The following CHD2 variants were observed in gnomAD, a reference collection of about 807,000 sequenced individuals.
CHD2 encodes chromodomain helicase DNA binding protein 2.
In CHD2, 28 loss-of-function variants were observed where a neutral mutation model predicts 243.9. The ratio of observed to expected loss-of-function variants is 0.11; its 90% confidence interval spans 0.09 to 0.16. CHD2 has a LOEUF of 0.16. CHD2 is among the 10% of genes least tolerant of loss of function. The probability of loss-of-function intolerance (pLI) is 1.00; values close to 1 mark genes in which losing one functional copy is unlikely to be tolerated. For synonymous variants in CHD2, 775 were observed against 779.0 expected (o/e 0.99, Z 0.09); for missense variants, 1,386 against 2,209.8 (o/e 0.63, Z 7.47).
chr15:92,941,227 C>T (rs572118960), intron 7 of CHD2, among the ~76,000 whole-genome samples: 2 of 151,556 alleles, frequency 1.3e-5, no homozygotes, highest in East Asian at 1.9e-4. Context: ...CTCCTGACCT[C>T]GTGATTCACC....
chr15:93,022,736 C>T (rs538624310), intron 38 of CHD2, among the ~76,000 whole-genome samples: 1 of 152,336 alleles, frequency 6.6e-6, no homozygotes, highest in Non-Finnish European at 1.5e-5. Flanking sequence ...CCCCATCCCT[C>T]ACCTTGGGAA....
intron 14 of CHD2, 46 bp downstream of exon 14, chr15:92,953,619 A>C: frequency 1.3e-6 from 2 of 1,562,432 alleles, no homozygotes; most frequent in Non-Finnish European, 1.8e-6. Context: ...TTATAAATGT[A>C]ATTTAGAAAT....
chr15:92,923,204 G>A (rs1006019303), intron 2 of CHD2, among the ~76,000 whole-genome samples: 3 of 152,184 alleles, frequency 2.0e-5, no homozygotes, highest in Non-Finnish European at 2.9e-5. Flanking sequence ...TGAGAACCAC[G>A]ATTGGATAAT....
intron 7 of CHD2, among the ~76,000 whole-genome samples, chr15:92,940,938 AATATATAT>A (rs1393639495): frequency 1.5e-5 from 2 of 136,748 alleles, no homozygotes; most frequent in South Asian, 2.2e-4. Context: ...ATATATATAA[AATATATAT>A]AAATATAAAT....
At chr15:92,912,305 C>T (rs1000472399) in intron 2 of CHD2, among the ~76,000 whole-genome samples, 1 of 151,942 alleles carries the variant, frequency 6.6e-6, no homozygotes, top group African/African-American at 2.4e-5. Context: ...CATAGCTAGG[C>T]TTGAGAACTG....
chr15:93,002,334 G>T lies in CHD2; in HGVS notation c.4278+17G>T. ...AAAGAGAAGGTAATGATGCCCTTCT[G>T]TTCATGCAGATATCCACAGCCTTTG... On this transcript the variant is annotated intron_variant, in intron 33 of 38. Transcript: ENST00000394196. 6.3e-7 allele frequency: 1 copy of T among 1,585,600 alleles called. No individual in the cohort carries two copies. Among genetic ancestry groups the T allele is most frequent in the Non-Finnish European group, 8.5e-7 (1 of 1,172,934 alleles).
At position 92,980,893 on chromosome 15, in the gene CHD2, G is replaced by A. The variant is rs768439257; in HGVS notation, c.2955G>A (p.Gly985=). 1 of 1,613,096 alleles carries A rather than the reference G, an allele frequency of 6.2e-7. No individual in the cohort carries two copies. Among genetic ancestry groups the A allele is most frequent in the African/African-American group, 1.3e-5 (1 of 75,008 alleles). ...AGGATCTCTTCAAAGAACTGGAAGG[G>A]GAGGAATCAGAACCTCAGGTAATTA... ...GAEDLFKELE[G]EESEPQEMDI... The change falls in exon 23 of 39, where the codon GGG becomes GGA. Residue 985 remains glycine, a synonymous_variant. Coordinates refer to ENST00000394196, the MANE Select transcript of CHD2 (RefSeq NM_001271.4).
At chr15:92,904,248 G>C (rs1345988077) in intron 2 of CHD2, among the ~76,000 whole-genome samples, 1 of 152,218 alleles carries the variant, frequency 6.6e-6, no homozygotes, top group Non-Finnish European at 1.5e-5. Context: ...ATTGCACTGT[G>C]TACTCGCCAA....
chr15:92,944,532 T>C lies in CHD2; in HGVS notation c.1153+17T>C. On this transcript the variant is annotated intron_variant, in intron 10 of 38. Transcript: ENST00000394196. ...GAGTAATAGGTAAGTACATGGTAAC[T>C]CACTTCAGCCATATTTGAACTTGAG... 7.7e-7 allele frequency: 1 copy of C among 1,306,888 alleles called. No homozygotes were observed. Among genetic ancestry groups the C allele is most frequent in the Non-Finnish European group, 1.1e-6 (1 of 931,344 alleles). 81.0% of individuals were successfully genotyped at this position (1,306,888 alleles called of 1,614,324 possible). A position where few individuals can be genotyped will look rare whatever the true frequency, so the allele number is the denominator to read the frequency against.
intron 24 of CHD2, among the ~76,000 whole-genome samples, chr15:92,982,569 G>T (rs982786713): frequency 6.6e-6 from 1 of 152,230 alleles, no homozygotes; most frequent in East Asian, 1.9e-4. Flanking sequence ...TCATGTGACA[G>T]CTTGGAAGGA....
At chr15:92,999,988 G>T (rs1196375846) in intron 31 of CHD2, among the ~76,000 whole-genome samples, 1 of 152,206 alleles carries the variant, frequency 6.6e-6, no homozygotes, top group Non-Finnish European at 1.5e-5. Context: ...GGCTGGCAAG[G>T]TGGCTCACAC....
chr15:92,911,221 T>C (rs1439938624), intron 2 of CHD2, among the ~76,000 whole-genome samples: 1 of 152,252 alleles, frequency 6.6e-6, no homozygotes, highest in Non-Finnish European at 1.5e-5. Context: ...AATAATAGCA[T>C]GTATACTACC....
In CHD2 at chr15:93,002,203, G is replaced by GAAA; in HGVS notation, c.4171_4173dup (p.Lys1391dup). On this transcript the variant is annotated inframe_insertion, in exon 33 of 39. Transcript: ENST00000394196. ...ATGATGGCTTGGAAAAAAGTCCAAT[G>GAAA]AAAAAAAAACAGAAGAAGAAAGAGA... is the stretch of plus-strand genomic sequence containing the variant. The GAAA allele has an allele frequency of 6.5e-7, 1 of 1,537,730 alleles. No individual in the cohort carries two copies. Among genetic ancestry groups the GAAA allele is most frequent in the Admixed American group, 2.0e-5 (1 of 50,892 alleles).
chr15:92,991,876 T>C (rs1194870081), intron 27 of CHD2: 2 of 170,152 alleles, frequency 1.2e-5, no homozygotes, highest in Non-Finnish European at 2.5e-5. Context: ...GATTTAATAA[T>C]GTCAAAGGTA....
At chr15:92,902,312 G>C (rs2052540240) in intron 2 of CHD2, 3 of 396,028 alleles carry the variant, frequency 7.6e-6, no homozygotes, top group Non-Finnish European at 1.3e-5. Context: ...TATGACCTCT[G>C]TATATTAATT....
intron 2 of CHD2, among the ~76,000 whole-genome samples, chr15:92,914,344 T>A (rs894737325): frequency 6.6e-6 from 1 of 152,248 alleles, no homozygotes. Flanking sequence ...TATTAGCACA[T>A]TGCCAGATCC....
At position 93,023,075 on chromosome 15, in the gene CHD2, A is replaced by G. The variant is rs147591164; in HGVS notation, c.5154-1297A>G. Among the ~76,000 whole-genome samples the G allele has an allele frequency of 7.8e-3, 1,184 of 152,342 alleles. 5 individuals are homozygous for G. The highest frequency in any genetic ancestry group is 0.012 in the Non-Finnish European group (786 of 68,038). On this transcript the variant is annotated intron_variant, in intron 38 of 38. Coordinates refer to ENST00000394196, the MANE Select transcript of CHD2 (RefSeq NM_001271.4). ...GAACTATTTTAAAGCGAACAACTGA[A>G]TGACCTTAGTGCATTTATAATATTG...
At chr15:92,978,985 G>A in intron 21 of CHD2, 150 bp from the exon 22 acceptor site, 1 of 947,320 alleles carries the variant, frequency 1.1e-6, no homozygotes, top group Non-Finnish European at 1.5e-6. Context: ...TAAGCTGCCT[G>A]CTTGGATGGC....
chr15:92,916,498 A>G (rs1055452247), intron 2 of CHD2, among the ~76,000 whole-genome samples: 4 of 152,214 alleles, frequency 2.6e-5, no homozygotes, highest in Non-Finnish European at 4.4e-5. Context: ...CTCGTCCTAT[A>G]CAAGTTTGAT....
Sources: gnomAD v4.1 joint callset for allele counts (sites outside exome capture counted in the v4.1 genomes callset) on GRCh38, gnomAD v4.1.1 for gene constraint, MANE v1.5 for transcripts, NCBI Gene and HGNC (gene_info 2026-07-23, HGNC 2026-07-21) for gene names.